C10orf90: variants seen among roughly 807,000 people sequenced by gnomAD.
The protein encoded by C10orf90 is chromosome 10 open reading frame 90, also known as (E2-independent) E3 ubiquitin-conjugating enzyme FATS.
A neutral mutation model predicts 62.5 loss-of-function variants in C10orf90; 56 were observed. The observed-to-expected ratio is 0.90, with a 90% CI of 0.72 to 1.12. The LOEUF (loss-of-function observed/expected upper bound fraction) is 1.12, where lower values mean the gene tolerates loss of function less well. Ranked by LOEUF, C10orf90 falls within the 50% of genes most tolerant of loss-of-function variation. The probability of loss-of-function intolerance (pLI) is 0.00; values close to 1 mark genes in which losing one functional copy is unlikely to be tolerated. For synonymous variants in C10orf90, 386 were observed against 340.4 expected (o/e 1.13, Z -1.47); for missense variants, 970 against 880.4 (o/e 1.10, Z -1.29).
intron 2 of C10orf90, among the ~76,000 whole-genome samples, chr10:126,600,136 G>A (rs935902899): frequency 2.0e-5 from 3 of 152,192 alleles, no homozygotes; most frequent in South Asian, 2.1e-4. Flanking sequence ...TGTGTGCATC[G>A]CATGTGTGTG....
intron 2 of C10orf90, among the ~76,000 whole-genome samples, chr10:126,576,893 G>A (rs1032495919): frequency 1.3e-5 from 2 of 150,874 alleles, no homozygotes; most frequent in African/African-American, 4.9e-5. Flanking sequence ...AATAAGCCAG[G>A]AACAGAAAGT....
chr10:126,513,531 T>A (rs1228523790), intron 3 of C10orf90, among the ~76,000 whole-genome samples: 3 of 152,188 alleles, frequency 2.0e-5, no homozygotes, highest in Non-Finnish European at 4.4e-5. Flanking sequence ...CTTGTTAGAT[T>A]TCAGAGTACC....
intron 2 of C10orf90, among the ~76,000 whole-genome samples, chr10:126,597,204 T>C (rs1845104810): frequency 6.6e-6 from 1 of 152,228 alleles, no homozygotes; most frequent in South Asian, 2.1e-4. Context: ...TCCTACAGAT[T>C]TCTACCCAAA....
At chr10:126,619,710 G>T (rs1346985187) in intron 2 of C10orf90, among the ~76,000 whole-genome samples, 1 of 152,108 alleles carries the variant, frequency 6.6e-6, no homozygotes, top group Non-Finnish European at 1.5e-5. Flanking sequence ...TGCAATCAAG[G>T]CTCACTACAG....
At chr10:126,491,207 G>A (rs1272748460) in intron 4 of C10orf90, among the ~76,000 whole-genome samples, 1 of 152,160 alleles carries the variant, frequency 6.6e-6, no homozygotes, top group Admixed American at 6.6e-5. Flanking sequence ...AAAAGCATTA[G>A]CCTGAGTGAA....
At chr10:126,507,025 T>C (rs1281914617) in intron 3 of C10orf90, among the ~76,000 whole-genome samples, 1 of 151,966 alleles carries the variant, frequency 6.6e-6, no homozygotes, top group Non-Finnish European at 1.5e-5. Flanking sequence ...TTGTTTTGCA[T>C]GACAATCTCC....
At chr10:126,541,195 A>C (rs1864367876) in intron 2 of C10orf90, among the ~76,000 whole-genome samples, 1 of 152,170 alleles carries the variant, frequency 6.6e-6, no homozygotes, top group Admixed American at 6.5e-5. Flanking sequence ...TATAAAAGTA[A>C]CTCCTATGAT....
chr10:126,640,175 G>A (rs1184415791), intron 2 of C10orf90, among the ~76,000 whole-genome samples: 2 of 152,348 alleles, frequency 1.3e-5, no homozygotes, highest in East Asian at 1.9e-4. Context: ...GTGCACGGCA[G>A]GGTGAATGCT....
chr10:126,586,804 T>C lies in C10orf90; in HGVS notation c.313+59761A>G, dbSNP rs535736322. Among the ~76,000 whole-genome samples, 12 of 152,228 alleles carry C rather than the reference T, an allele frequency of 7.9e-5. No homozygotes were observed. The East Asian group carries it at 1.7e-3, about 22-fold the overall frequency. On this transcript the variant is annotated intron_variant, in intron 2 of 9. Coordinates refer to ENST00000488181, the MANE Select transcript of C10orf90 (RefSeq NM_001350921.2). ...TCTTCAACCTCAAAATATGTTGCGTTATCCTATCCACCACAGGCGCTGCTC... is the reference window on the plus strand; with the variant it reads ...TCTTCAACCTCAAAATATGTTGCGTCATCCTATCCACCACAGGCGCTGCTC...
chr10:126,470,091 G>A, intron 4 of C10orf90: 1 of 450,526 alleles, frequency 2.2e-6, no homozygotes, highest in South Asian at 1.6e-5. Context: ...CATACTGCAG[G>A]GGGGAAGGCA....
chr10:126,630,904 GC>G, intron 2 of C10orf90, among the ~76,000 whole-genome samples: 2 of 152,278 alleles, frequency 1.3e-5, no homozygotes, highest in Admixed American at 1.3e-4. Context: ...TGGGACAGCT[GC>G]TGCAGGCCTC....
At chr10:126,459,957 G>A (rs1210170317) in intron 6 of C10orf90, among the ~76,000 whole-genome samples, 1 of 152,224 alleles carries the variant, frequency 6.6e-6, no homozygotes, top group Non-Finnish European at 1.5e-5. Flanking sequence ...AACTGTTCAG[G>A]AAGGCAGGAA....
chr10:126,658,839 C>T (rs1051394100), intron 1 of C10orf90, among the ~76,000 whole-genome samples: 9 of 152,184 alleles, frequency 5.9e-5, no homozygotes, highest in African/African-American at 2.2e-4. Flanking sequence ...ATGATCCTCC[C>T]ACCTCAGCCT....
intron 4 of C10orf90, among the ~76,000 whole-genome samples, chr10:126,485,494 T>C (rs1488445261): frequency 6.6e-6 from 1 of 152,184 alleles, no homozygotes; most frequent in Non-Finnish European, 1.5e-5. Flanking sequence ...CATCTTTGAA[T>C]TTAATTTTTT....
chr10:126,437,280 A>C (rs1857983680), intron 7 of C10orf90, among the ~76,000 whole-genome samples: 1 of 152,228 alleles, frequency 6.6e-6, no homozygotes, highest in African/African-American at 2.4e-5. Context: ...TTTCACATAA[A>C]TGTCAACATC....
intron 7 of C10orf90, among the ~76,000 whole-genome samples, chr10:126,437,642 T>A (rs1163478529): frequency 6.6e-6 from 1 of 152,208 alleles, no homozygotes; most frequent in Non-Finnish European, 1.5e-5. Flanking sequence ...ATATGGGACA[T>A]AAAGTAATGG....
At chr10:126,669,702 T>A (rs1424270153) in intron 1 of C10orf90, among the ~76,000 whole-genome samples, 2 of 35,680 alleles carry the variant, frequency 5.6e-5, no homozygotes, top group Non-Finnish European at 1.6e-4. Flanking sequence ...TCACTCTCTG[T>A]CTTTTTTTTT....
intron 2 of C10orf90, among the ~76,000 whole-genome samples, chr10:126,593,637 C>T (rs1258219641): frequency 6.6e-6 from 1 of 152,058 alleles, no homozygotes; most frequent in Non-Finnish European, 1.5e-5. Flanking sequence ...TGCAGCAAAC[C>T]ACCATGGCAC....
At chr10:126,487,131 T>A (rs1312245165) in intron 4 of C10orf90, among the ~76,000 whole-genome samples, 3 of 15,294 alleles carry the variant, frequency 2.0e-4, no homozygotes, top group African/African-American at 3.3e-4. Context: ...GCAACAACAG[T>A]AAAACTCTGT....
Sources: allele counts gnomAD v4.1 joint callset (sites outside exome capture counted in the v4.1 genomes callset), GRCh38; gene constraint gnomAD v4.1.1; transcripts MANE v1.5; gene names NCBI Gene and HGNC (gene_info 2026-07-23, HGNC 2026-07-21).